The following RAB27A variants were observed in gnomAD, a reference collection of about 807,000 sequenced individuals.
RAB27A encodes the protein RAB27A, member RAS oncogene family, also known as ras-related protein Rab-27A.
A neutral mutation model predicts 20.8 loss-of-function variants in RAB27A; 17 were observed. The observed-to-expected ratio is 0.82, with a 90% CI of 0.56 to 1.23. The LOEUF (loss-of-function observed/expected upper bound fraction) is 1.23. Among genes scored for constraint, RAB27A ranks in the 50% most tolerant of loss-of-function variants. RAB27A has a pLI of 0.00. For missense variants in RAB27A, 277 were observed against 266.7 expected (o/e 1.04, Z -0.27); for synonymous variants, 85 against 92.8 (o/e 0.92, Z 0.48).
chr15:55,223,201 G>A (rs1237750640), intron 6 of RAB27A, among the ~76,000 whole-genome samples: 2 of 152,010 alleles, frequency 1.3e-5, no homozygotes, highest in East Asian at 3.9e-4. Context: ...AGTACATGAA[G>A]TGGCTTTGAA....
rs199813098 is a variant in RAB27A, at chr15:55,217,663, C to CAAAAA, written c.467+6221_467+6225dup. Among the ~76,000 whole-genome samples, 346 of 43,516 alleles carry CAAAAA rather than the reference C, an allele frequency of 8.0e-3. 48 individuals are homozygous for CAAAAA. The highest frequency in any genetic ancestry group is 0.027 in the African/African-American group (313 of 11,396). 28.5% of individuals were successfully genotyped at this position (43,516 alleles called of 152,430 possible). On this transcript the variant is annotated intron_variant, in intron 6 of 6. Transcript: ENST00000336787. ...TGGGTGACAGAGCTACACTCCATCTCAAAAAAAAAAAAAAAAAAAAAAAAA... is the reference window on the plus strand; with the variant it reads ...TGGGTGACAGAGCTACACTCCATCTCAAAAAAAAAAAAAAAAAAAAAAAAAAAAAA...
At chr15:55,212,767 G>C (rs1317793365) in intron 6 of RAB27A, among the ~76,000 whole-genome samples, 1 of 152,114 alleles carries the variant, frequency 6.6e-6, no homozygotes, top group Non-Finnish European at 1.5e-5. Flanking sequence ...CTGACCTCGT[G>C]ATCCACCCGC....
At chr15:55,304,444 C>T (rs187990951) in intron 2 of RAB27A, among the ~76,000 whole-genome samples, 8 of 146,318 alleles carry the variant, frequency 5.5e-5, no homozygotes, top group Non-Finnish European at 1.2e-4. Flanking sequence ...GTGAGAAACA[C>T]CCAAGAATTA....
At chr15:55,279,023 A>T (rs1241433117) in intron 1 of RAB27A, among the ~76,000 whole-genome samples, 2 of 152,202 alleles carry the variant, frequency 1.3e-5, no homozygotes, top group Non-Finnish European at 2.9e-5. Flanking sequence ...TGCACCCCAC[A>T]GACAAAAGGG....
rs141147413 is a variant in RAB27A at position 55,311,055 on chromosome 15, C to T, written c.-112+2984G>A. On this transcript the variant is annotated intron_variant, in intron 2 of 5. Coordinates refer to the RAB27A transcript ENST00000563262. ...CCTGATTCTGTGTCCCACTGAGGGT[C>T]TACACTGGGAACTGACTGCTGGCCT... 3.9e-5 allele frequency among the ~76,000 whole-genome samples: 6 copies of T among 152,252 alleles called. No individual in the cohort carries two copies. The East Asian group carries it at 5.8e-4, about 15-fold the overall frequency.
At chr15:55,218,191 G>T (rs1895403604) in intron 6 of RAB27A, among the ~76,000 whole-genome samples, 1 of 152,182 alleles carries the variant, frequency 6.6e-6, no homozygotes, top group Non-Finnish European at 1.5e-5. Context: ...TCACTAAAGT[G>T]AGAAGTGAGT....
At chr15:55,317,449 G>T in intron 1 of RAB27A, 1 of 265,778 alleles carries the variant, frequency 3.8e-6, no homozygotes, top group Non-Finnish European at 7.1e-6. Flanking sequence ...CAAGTAGCTG[G>T]GATTACAGGC....
At position 55,264,811 on chromosome 15, in the gene RAB27A, T is replaced by C. The variant is rs1897403149; in HGVS notation, c.-23+5354A>G. Among the ~76,000 whole-genome samples, 3 of 152,236 alleles carry C rather than the reference T, an allele frequency of 2.0e-5. 1 individual carries two copies. Among genetic ancestry groups the C allele is most frequent in the South Asian group, 4.1e-4 (2 of 4,834 alleles). ...ATTCAGTCATTTAAGCAGTAGCTCATGAGCACATCAATTAAACATCTAACA... is the reference window on the plus strand; with the variant it reads ...ATTCAGTCATTTAAGCAGTAGCTCACGAGCACATCAATTAAACATCTAACA... On this transcript the variant is annotated intron_variant, in intron 2 of 6. Coordinates refer to ENST00000336787, the MANE Select transcript of RAB27A (RefSeq NM_183235.3).
intron 3 of RAB27A, among the ~76,000 whole-genome samples, chr15:55,233,418 A>G (rs1352063726): frequency 1.3e-5 from 2 of 152,230 alleles, no homozygotes; most frequent in African/African-American, 4.8e-5. Context: ...AGAAAATAGA[A>G]AAAGAAACAA....
intron 1 of RAB27A, among the ~76,000 whole-genome samples, chr15:55,288,608 A>G (rs1264168769): frequency 6.6e-6 from 1 of 152,146 alleles, no homozygotes; most frequent in African/African-American, 2.4e-5. Flanking sequence ...AGGAAGAAAA[A>G]AGGGAGGGAG....
intron 2 of RAB27A, among the ~76,000 whole-genome samples, chr15:55,305,118 C>T (rs141129634): frequency 0.051 from 7,797 of 152,240 alleles, 277 homozygotes; most frequent in East Asian, 0.15. Flanking sequence ...AAGTTGCAAG[C>T]CCCATGCTTA....
At chr15:55,213,714 A>G (rs779528450) in intron 6 of RAB27A, among the ~76,000 whole-genome samples, 32 of 152,230 alleles carry the variant, frequency 2.1e-4, no homozygotes, top group Non-Finnish European at 4.3e-4. Context: ...GCACTCTCCT[A>G]TGAGAATCTA....
chr15:55,245,251 C>T (rs776337921), intron 2 of RAB27A, among the ~76,000 whole-genome samples: 10 of 152,142 alleles, frequency 6.6e-5, no homozygotes, highest in Non-Finnish European at 1.0e-4. Context: ...CTATGTCTTC[C>T]GTGCAGTTTA....
chr15:55,241,804 T>C (rs927219962), intron 2 of RAB27A, among the ~76,000 whole-genome samples: 2 of 151,286 alleles, frequency 1.3e-5, no homozygotes, highest in Non-Finnish European at 2.9e-5. Context: ...TAACATCCCA[T>C]CTTTAAATAA....
At chr15:55,224,063 T>A (rs751831333) in intron 5 of RAB27A, 51 bp from the exon 6 acceptor site, 1 of 1,412,828 alleles carries the variant, frequency 7.1e-7, no homozygotes, top group Admixed American at 1.7e-5. Flanking sequence ...TGTAAGTGTA[T>A]GATCAGTGAA....
intron 6 of RAB27A, among the ~76,000 whole-genome samples, chr15:55,220,477 G>A (rs1895518017): frequency 6.6e-6 from 1 of 151,898 alleles, no homozygotes; most frequent in African/African-American, 2.4e-5. Flanking sequence ...CACCATGTTG[G>A]CCAGGCTGGT....
chr15:55,301,076 G>A (rs1278253012), intron 2 of RAB27A, among the ~76,000 whole-genome samples: 4 of 152,088 alleles, frequency 2.6e-5, no homozygotes, highest in Non-Finnish European at 4.4e-5. Flanking sequence ...ACTAGAAAAT[G>A]CCACCGTGAC....
chr15:55,218,101 A>G (rs1309728097), intron 6 of RAB27A, among the ~76,000 whole-genome samples: 1 of 152,240 alleles, frequency 6.6e-6, no homozygotes, highest in East Asian at 1.9e-4. Flanking sequence ...CAGGAATAAC[A>G]GCAAGTATGT....
At chr15:55,233,246 AAAACAGAGCCACATAAGAGC>A (rs1230624346) in intron 3 of RAB27A, among the ~76,000 whole-genome samples, 1 of 152,216 alleles carries the variant, frequency 6.6e-6, no homozygotes, top group Non-Finnish European at 1.5e-5. Context: ...AATATGGGAG[AAAACAGAGCCACATAAGAGC>A]AAAGTTTTAC....
Sources: gnomAD v4.1 joint callset for allele counts (sites outside exome capture counted in the v4.1 genomes callset) on GRCh38, gnomAD v4.1.1 for gene constraint, MANE v1.5 for transcripts, NCBI Gene and HGNC (gene_info 2026-07-23, HGNC 2026-07-21) for gene names.